Variants in CYYR1 observed in about 807,000 individuals in gnomAD.
CYYR1 encodes the protein cysteine and tyrosine rich 1.
In CYYR1, 14 loss-of-function variants were observed where a neutral mutation model predicts 15.2. The observed-to-expected ratio is 0.92, with a 90% CI of 0.61 to 1.44. The LOEUF is 1.44. CYYR1 is among the 40% of genes most tolerant of loss of function. CYYR1 has a pLI of 0.00. For missense variants in CYYR1, 228 were observed against 209.5 expected (o/e 1.09, Z -0.54); for synonymous variants, 80 against 77.4 (o/e 1.03, Z -0.18).
intron 2 of CYYR1, chr21:26,564,846 G>C: frequency 1.7e-6 from 2 of 1,183,954 alleles, no homozygotes; most frequent in South Asian, 1.8e-5. Flanking sequence ...GAGACAGTTT[G>C]AGAAAAAAAA....
At chr21:26,547,737 G>A (rs777165416) in intron 2 of CYYR1, among the ~76,000 whole-genome samples, 10 of 151,768 alleles carry the variant, frequency 6.6e-5, no homozygotes, top group African/African-American at 1.5e-4. Context: ...TTCAGGTTAC[G>A]GGTTTTGTTC....
At chr21:26,567,983 A>G (rs1181920852) in intron 1 of CYYR1, 1 of 152,172 alleles carries the variant, frequency 6.6e-6, no homozygotes, top group African/African-American at 2.4e-5. Flanking sequence ...CTTGAGGCTT[A>G]CCTCTGGATT....
At chr21:26,516,890 C>T (rs901622753) in intron 2 of CYYR1, among the ~76,000 whole-genome samples, 10 of 151,350 alleles carry the variant, frequency 6.6e-5, no homozygotes, top group African/African-American at 2.4e-4. Context: ...CCGAGGCGGG[C>T]GGATCACGAG....
At chr21:26,490,557 C>T (rs1394995541) in intron 2 of CYYR1, among the ~76,000 whole-genome samples, 1 of 152,072 alleles carries the variant, frequency 6.6e-6, no homozygotes, top group Non-Finnish European at 1.5e-5. Flanking sequence ...ATATAATACA[C>T]TAGAGAGAAT....
intron 2 of CYYR1, among the ~76,000 whole-genome samples, chr21:26,536,126 C>T (rs535096215): frequency 1.4e-4 from 22 of 152,210 alleles, no homozygotes; most frequent in Admixed American, 3.9e-4. Context: ...GGAGTTGCTA[C>T]GCACTTGCAA....
At chr21:26,570,923 A>G (rs907608090) in intron 1 of CYYR1, among the ~76,000 whole-genome samples, 1 of 152,204 alleles carries the variant, frequency 6.6e-6, no homozygotes, top group Non-Finnish European at 1.5e-5. Flanking sequence ...TCAAAGGTCT[A>G]GTTCCTTCAA....
chr21:26,472,918 G>T (rs931103433), intron 3 of CYYR1, among the ~76,000 whole-genome samples: 1 of 151,810 alleles, frequency 6.6e-6, no homozygotes, highest in East Asian at 1.9e-4. Context: ...TTAATGCTTC[G>T]CTACATGTGT....
intron 2 of CYYR1, among the ~76,000 whole-genome samples, chr21:26,504,337 C>T (rs2065525567): frequency 6.6e-6 from 1 of 151,984 alleles, no homozygotes; most frequent in African/African-American, 2.4e-5. Context: ...GTGGTGCCAT[C>T]TTGGCTCACT....
chr21:26,551,072 T>C (rs370499346), intron 2 of CYYR1: 1 of 152,644 alleles, frequency 6.6e-6, no homozygotes, highest in Non-Finnish European at 1.5e-5. Context: ...AACTTAAGGA[T>C]CCTTAAGAAC....
chr21:26,572,559 A>C (rs2123756585), intron 1 of CYYR1, among the ~76,000 whole-genome samples: 1 of 152,336 alleles, frequency 6.6e-6, no homozygotes, highest in East Asian at 1.9e-4. Context: ...TATCCAGATA[A>C]GTTTATTTGG....
In CYYR1 at chr21:26,520,859, CAT is replaced by C. The variant is rs1378075400; in HGVS notation, c.177-40432_177-40431del. 9.9e-5 allele frequency among the ~76,000 whole-genome samples: 15 copies of C among 152,194 alleles called. No homozygotes were observed. The East Asian group carries it at 2.5e-3, about 26-fold the overall frequency. On this transcript the variant is annotated intron_variant, in intron 2 of 3. Coordinates refer to ENST00000652641, the MANE Select transcript of CYYR1 (RefSeq NM_001320768.2). ...TGTTGAGCTTTATGCAACCAACAAA[CAT>C]ATGAGATCATGTCTTTTGCAGGGAC...
At chr21:26,528,599 A>G (rs1008428818) in intron 2 of CYYR1, among the ~76,000 whole-genome samples, 4 of 152,174 alleles carry the variant, frequency 2.6e-5, no homozygotes, top group African/African-American at 9.6e-5. Flanking sequence ...AGCCTGTAGA[A>G]CCATGAGCCA....
At chr21:26,553,252 T>C (rs1979522350) in intron 2 of CYYR1, among the ~76,000 whole-genome samples, 2 of 152,128 alleles carry the variant, frequency 1.3e-5, no homozygotes, top group Non-Finnish European at 2.9e-5. Context: ...TGTTTTTCTC[T>C]GGCTGCTTCC....
At position 26,497,444 on chromosome 21, in the gene CYYR1, G is replaced by A. The variant is rs73349271; in HGVS notation, c.177-17015C>T. Among the ~76,000 whole-genome samples, 1,519 of 152,202 alleles carry A rather than the reference G, an allele frequency of 1.0e-2. 28 individuals carry two copies. Among genetic ancestry groups the A allele is most frequent in the African/African-American group, 0.035 (1,453 of 41,558 alleles). On this transcript the variant is annotated intron_variant, in intron 2 of 3. Coordinates refer to ENST00000652641, the MANE Select transcript of CYYR1 (RefSeq NM_001320768.2). ...TCATTTTTAAAAAGCAAATCAGCTAGCAAGAGTGCTATGAGAAGAATGCCT... is the reference window on the plus strand; with the variant it reads ...TCATTTTTAAAAAGCAAATCAGCTAACAAGAGTGCTATGAGAAGAATGCCT...
chr21:26,557,180 G>A (rs1402206176), intron 2 of CYYR1, among the ~76,000 whole-genome samples: 2 of 152,090 alleles, frequency 1.3e-5, no homozygotes, highest in South Asian at 4.1e-4. Flanking sequence ...TTTACACATC[G>A]GTGACAGAGA....
At chr21:26,559,418 T>G (rs1406306629) in intron 2 of CYYR1, among the ~76,000 whole-genome samples, 1 of 152,170 alleles carries the variant, frequency 6.6e-6, no homozygotes, top group Non-Finnish European at 1.5e-5. Context: ...ATTAAAAATT[T>G]TAAAAATCAA....
intron 3 of CYYR1, 23 bp from the exon 4 acceptor site, chr21:26,468,657 C>T: frequency 1.3e-6 from 2 of 1,534,894 alleles, no homozygotes; most frequent in Non-Finnish European, 1.8e-6. Flanking sequence ...GGGAAGAGAA[C>T]ATCAAGGAGT....
At chr21:26,505,579 G>A (rs991540972) in intron 2 of CYYR1, among the ~76,000 whole-genome samples, 3 of 152,200 alleles carry the variant, frequency 2.0e-5, no homozygotes, top group South Asian at 2.1e-4. Context: ...TAACCAGAGT[G>A]CCTGGAACAT....
chr21:26,480,552 G>A, intron 2 of CYYR1, 123 bp from the exon 3 acceptor site: 3 of 982,280 alleles, frequency 3.1e-6, no homozygotes, highest in East Asian at 2.9e-5. Context: ...TAATGTGTGT[G>A]TGTTTTTCTT....
Sources: gnomAD v4.1 joint callset for allele counts (sites outside exome capture counted in the v4.1 genomes callset) on GRCh38, gnomAD v4.1.1 for gene constraint, MANE v1.5 for transcripts, NCBI Gene and HGNC (gene_info 2026-07-23, HGNC 2026-07-21) for gene names.